Variants in TMEM87A observed in about 807,000 individuals in gnomAD.
TMEM87A encodes Golgi-pH regulating cation channel.
Under a neutral mutation model 90.0 loss-of-function variants are expected in TMEM87A, and 50 were observed. That is an observed-to-expected ratio of 0.56 (90% CI 0.44 to 0.70). The LOEUF (loss-of-function observed/expected upper bound fraction) is 0.70, where lower values mean the gene tolerates loss of function less well. Ranked by LOEUF, TMEM87A falls within the 30% of genes least tolerant of loss-of-function variation. The probability of loss-of-function intolerance (pLI) is 0.00; values close to 1 mark genes in which losing one functional copy is unlikely to be tolerated. For synonymous variants in TMEM87A, 226 were observed against 226.7 expected (o/e 1.00, Z 0.03); for missense variants, 577 against 660.5 (o/e 0.87, Z 1.39).
chr15:42,232,790 C>T (rs1387264413), intron 11 of TMEM87A: 1 of 153,742 alleles, frequency 6.5e-6, no homozygotes, highest in Non-Finnish European at 1.4e-5. Context: ...TCATTAGCTG[C>T]ATTTTAAGGA....
chr15:42,258,530 G>C (rs561173045), intron 6 of TMEM87A: 23 of 348,520 alleles, frequency 6.6e-5, no homozygotes, highest in South Asian at 2.1e-4. Context: ...AAGTTCACGC[G>C]ATTCTCCTGC....
intron 7 of TMEM87A, among the ~76,000 whole-genome samples, chr15:42,243,212 G>A (rs1164119552): frequency 1.3e-5 from 2 of 151,864 alleles, no homozygotes. Context: ...AGCTTGCAGT[G>A]AGCCGAGATT....
intron 19 of TMEM87A, among the ~76,000 whole-genome samples, chr15:42,212,116 C>T (rs999531607): frequency 5.9e-5 from 9 of 152,292 alleles, no homozygotes; most frequent in Admixed American, 3.9e-4. Flanking sequence ...AGGGCAAAGA[C>T]GTGCACCTAG....
At chr15:42,245,639 C>T (rs2140954476) in intron 6 of TMEM87A, among the ~76,000 whole-genome samples, 1 of 151,688 alleles carries the variant, frequency 6.6e-6, no homozygotes, top group East Asian at 1.9e-4. Flanking sequence ...ATTCTCCTGC[C>T]TCAGCCTCCC....
At chr15:42,241,924 A>C (rs1367627390) in intron 7 of TMEM87A, among the ~76,000 whole-genome samples, 1 of 152,114 alleles carries the variant, frequency 6.6e-6, no homozygotes, top group African/African-American at 2.4e-5. Context: ...AAAATTAGCT[A>C]GGTGTGATGG....
rs865967583 is a variant in TMEM87A, at chr15:42,221,715, T to A, written c.1404-1580A>T. On this transcript the variant is annotated intron_variant, in intron 15 of 19. Coordinates refer to ENST00000389834, the MANE Select transcript of TMEM87A (RefSeq NM_015497.5). The stretch of plus-strand genomic sequence containing the variant: ...CAAGACCCCATCTAAAATAAAAAAA[T>A]TTTAAAAATAAAGGGCAAAAATTCA... Among the ~76,000 whole-genome samples, 11 of 151,242 alleles carry A rather than the reference T, an allele frequency of 7.3e-5. 1 individual carries two copies. In the Middle Eastern group the frequency reaches 0.017, roughly 234 times the overall value.
intron 8 of TMEM87A, among the ~76,000 whole-genome samples, chr15:42,238,160 G>A (rs1394392466): frequency 6.6e-6 from 1 of 152,066 alleles, no homozygotes; most frequent in Non-Finnish European, 1.5e-5. Context: ...TTTCTGGTCA[G>A]GCGTGGTAAT....
chr15:42,211,824 T>C (rs1030784014), intron 19 of TMEM87A, 75 bp from the exon 20 acceptor site: 2 of 1,324,918 alleles, frequency 1.5e-6, no homozygotes, highest in South Asian at 1.3e-5. Flanking sequence ...ATACAGACTA[T>C]CCAAGCAAAC....
At chr15:42,263,012 G>A (rs1198480063) in intron 4 of TMEM87A, among the ~76,000 whole-genome samples, 1 of 152,104 alleles carries the variant, frequency 6.6e-6, no homozygotes, top group African/African-American at 2.4e-5. Flanking sequence ...ACAAAATTAA[G>A]GTGTGAAATT....
intron 12 of TMEM87A, 75 bp downstream of exon 12, chr15:42,231,117 T>C (rs930494821): frequency 2.7e-5 from 37 of 1,373,380 alleles, no homozygotes; most frequent in South Asian, 6.5e-5. Flanking sequence ...AAAAACTCTT[T>C]GCAGAAAGAT....
intron 18 of TMEM87A, 42 bp from the exon 19 acceptor site, chr15:42,217,875 A>G: frequency 1.9e-6 from 3 of 1,593,236 alleles, no homozygotes; most frequent in South Asian, 2.3e-5. Context: ...ATGTAAAATA[A>G]AGCCATAAAT....
chr15:42,231,117 T>A, intron 12 of TMEM87A, 75 bp downstream of exon 12: 1 of 1,373,502 alleles, frequency 7.3e-7, no homozygotes, highest in Non-Finnish European at 1.0e-6. Context: ...AAAAACTCTT[T>A]GCAGAAAGAT....
chr15:42,236,781 T>A (rs1036182670), intron 9 of TMEM87A, among the ~76,000 whole-genome samples: 1 of 152,162 alleles, frequency 6.6e-6, no homozygotes, highest in Non-Finnish European at 1.5e-5. Flanking sequence ...CAAAACACAC[T>A]CGTGTACACG....
intron 6 of TMEM87A, among the ~76,000 whole-genome samples, chr15:42,246,204 A>T (rs7183843): frequency 0.96 from 146,482 of 152,308 alleles, 70,639 homozygotes; most frequent in Non-Finnish European, 1. Context: ...TATGTATCAG[A>T]GCTTCATTTA....
chr15:42,260,291 T>C (rs2051263683), intron 6 of TMEM87A, among the ~76,000 whole-genome samples: 1 of 152,208 alleles, frequency 6.6e-6, no homozygotes, highest in Non-Finnish European at 1.5e-5. Flanking sequence ...GGAGGATCAC[T>C]TGAGCCCAAG....
intron 2 of TMEM87A, among the ~76,000 whole-genome samples, chr15:42,271,825 A>G (rs1054414583): frequency 1.3e-5 from 2 of 150,926 alleles, no homozygotes; most frequent in African/African-American, 4.9e-5. Context: ...ATACTAATAT[A>G]TAATGTCTAC....
rs1419822862 is a variant in TMEM87A, at chr15:42,262,720, A to G, written c.405+1370T>C. On this transcript the variant is annotated intron_variant, in intron 4 of 19. Coordinates refer to ENST00000389834, the MANE Select transcript of TMEM87A (RefSeq NM_015497.5). ...GCCTGAGCCACCGCATCTGGCCTCA[A>G]TTACCAATGACTAAATTTGTCTTCT... Among the ~76,000 whole-genome samples the G allele has an allele frequency of 4.6e-5, 7 of 152,286 alleles. No homozygotes were observed. In the South Asian group the frequency reaches 6.2e-4, roughly 14 times the overall value.
chr15:42,234,791 A>T (rs569436394), intron 10 of TMEM87A, among the ~76,000 whole-genome samples: 7 of 152,296 alleles, frequency 4.6e-5, no homozygotes, highest in African/African-American at 1.7e-4. Context: ...ATGACCCTCC[A>T]TATAGGTAAA....
chr15:42,261,196 C>T lies in TMEM87A; in HGVS notation c.459G>A (p.Glu153=). Residue 153 remains glutamate, a splice_region_variant and synonymous_variant, in exon 5 of 20, where the codon GAG becomes GAA. Coordinates refer to ENST00000389834, the MANE Select transcript of TMEM87A (RefSeq NM_015497.5). ...HRLPLLGEKQ[E]AKENGTNLTF... is the part of the protein sequence containing the mutation. ...AGAAATATATAATGAAAACAATTAC[C>T]TCCTGTTTTTCTCCTAAAAGAGGCA... The T allele has an allele frequency of 6.2e-7, 1 of 1,612,904 alleles. No individual in the cohort carries two copies. Among genetic ancestry groups the T allele is most frequent in the South Asian group, 1.1e-5 (1 of 90,824 alleles).
Sources: gnomAD v4.1 joint callset for allele counts (sites outside exome capture counted in the v4.1 genomes callset) on GRCh38, gnomAD v4.1.1 for gene constraint, MANE v1.5 for transcripts, NCBI Gene and HGNC (gene_info 2026-07-23, HGNC 2026-07-21) for gene names.